The following STX17 variants were observed in gnomAD, a reference collection of about 807,000 sequenced individuals.
STX17 encodes the protein syntaxin 17.
STX17 carries 29 observed loss-of-function variants against 35.9 expected under a neutral mutation model. The ratio of observed to expected loss-of-function variants is 0.81; its 90% confidence interval spans 0.60 to 1.10. The LOEUF (loss-of-function observed/expected upper bound fraction) is 1.10, where lower values mean the gene tolerates loss of function less well. Ranked by LOEUF, STX17 falls within the 50% of genes least tolerant of loss-of-function variation. The probability of loss-of-function intolerance (pLI) is 0.00; values close to 1 mark genes in which losing one functional copy is unlikely to be tolerated. For synonymous variants in STX17, 92 were observed against 118.3 expected (o/e 0.78, Z 1.44); for missense variants, 312 against 352.3 (o/e 0.89, Z 0.92).
chr9:99,947,641 T>C (rs1415601663), intron 3 of STX17, among the ~76,000 whole-genome samples: 2 of 152,218 alleles, frequency 1.3e-5, no homozygotes, highest in Admixed American at 6.5e-5. Context: ...CTTAAGGTTT[T>C]CTGTGAGCTA....
intron 3 of STX17, chr9:99,937,838 A>G (rs1829267862): frequency 6.6e-6 from 1 of 152,120 alleles, no homozygotes. Flanking sequence ...TGTTTTATAC[A>G]TCTTATGTTT....
intron 3 of STX17, among the ~76,000 whole-genome samples, chr9:99,930,581 T>G (rs1420738388): frequency 6.6e-6 from 1 of 152,160 alleles, no homozygotes; most frequent in Non-Finnish European, 1.5e-5. Flanking sequence ...CATTCTTTAT[T>G]TTAAAGATGT....
chr9:99,959,801 C>A (rs1829791169), intron 4 of STX17, 116 bp from the exon 5 acceptor site: 2 of 790,078 alleles, frequency 2.5e-6, no homozygotes, highest in Admixed American at 2.7e-5. Flanking sequence ...TTCCTTTTAG[C>A]CTAAATTTAA....
intron 6 of STX17, 160 bp from the exon 7 acceptor site, chr9:99,967,493 T>G: frequency 2.3e-6 from 1 of 436,336 alleles, no homozygotes; most frequent in South Asian, 4.3e-5. Flanking sequence ...GAAAGTTAAT[T>G]TGTCCTTTCG....
intron 4 of STX17, among the ~76,000 whole-genome samples, chr9:99,957,561 T>G (rs993278382): frequency 2.0e-5 from 3 of 152,158 alleles, no homozygotes; most frequent in African/African-American, 2.4e-5. Flanking sequence ...ATTTCTACTG[T>G]AACTATCCTA....
intron 3 of STX17, among the ~76,000 whole-genome samples, chr9:99,932,443 A>C (rs1333553634): frequency 6.6e-6 from 1 of 152,118 alleles, no homozygotes; most frequent in East Asian, 1.9e-4. Context: ...TAACAAGCAG[A>C]GACTATGTCT....
chr9:99,918,095 C>A (rs1489982205), intron 2 of STX17, among the ~76,000 whole-genome samples: 1 of 152,124 alleles, frequency 6.6e-6, no homozygotes, highest in Non-Finnish European at 1.5e-5. Context: ...CATACCTTTT[C>A]TATGTTCTTT....
At chr9:99,925,104 A>AT (rs1828962141) in intron 2 of STX17, among the ~76,000 whole-genome samples, 1 of 151,270 alleles carries the variant, frequency 6.6e-6, no homozygotes, top group Non-Finnish European at 1.5e-5. Flanking sequence ...TTATGATTCA[A>AT]TTTTTTTCCT....
chr9:99,916,078 G>A (rs1326108624), intron 2 of STX17: 2 of 455,824 alleles, frequency 4.4e-6, no homozygotes, highest in Non-Finnish European at 4.4e-6. Flanking sequence ...GTAAATCATT[G>A]TGAGATATGA....
intron 2 of STX17, among the ~76,000 whole-genome samples, chr9:99,922,424 A>G (rs1485063846): frequency 6.6e-6 from 1 of 152,244 alleles, no homozygotes; most frequent in Admixed American, 6.5e-5. Context: ...TGCCTGTCAC[A>G]TAGTACGTGC....
At chr9:99,947,261 T>C (rs904927218) in intron 3 of STX17, among the ~76,000 whole-genome samples, 5 of 152,166 alleles carry the variant, frequency 3.3e-5, no homozygotes, top group South Asian at 2.1e-4. Context: ...TATTTTAAAA[T>C]TATAGAATAT....
chr9:99,949,416 A>G (rs2031035), intron 3 of STX17, among the ~76,000 whole-genome samples: 104,610 of 151,782 alleles, frequency 0.69, 36,324 homozygotes, highest in African/African-American at 0.72. Context: ...TGGAAACTTT[A>G]GATTGTATTA....
chr9:99,952,604 A>G lies in STX17; in HGVS notation c.415+1319A>G, dbSNP rs555898009. Among the ~76,000 whole-genome samples the G allele has an allele frequency of 1.6e-3, 247 of 152,300 alleles. 1 individual carries two copies. Among genetic ancestry groups the G allele is most frequent in the African/African-American group, 5.1e-3 (214 of 41,566 alleles). ...ACGTATGTTTATTGTGGCAGTATTC[A>G]CAATAGCAAAGACTTGGAACCAACC... On this transcript the variant is annotated intron_variant, in intron 4 of 7. Transcript: ENST00000259400.
At chr9:99,918,824 C>G (rs1313200762) in intron 2 of STX17, among the ~76,000 whole-genome samples, 1 of 152,100 alleles carries the variant, frequency 6.6e-6, no homozygotes, top group Admixed American at 6.6e-5. Flanking sequence ...AAGAGCAGTC[C>G]TCCATCTCCT....
chr9:99,952,229 A>G (rs1306285013), intron 4 of STX17, among the ~76,000 whole-genome samples: 1 of 152,204 alleles, frequency 6.6e-6, no homozygotes, highest in Non-Finnish European at 1.5e-5. Flanking sequence ...GAGCATGAAC[A>G]GACACTTCTC....
rs1361438112 is a variant in STX17 at position 99,928,847 on chromosome 9, A to G, written c.189+4A>G. ...CAATGCAGGACGTACAGTTCAGGTA[A>G]GGCTATTATATTTTTTCTGCTAAAT... On this transcript the variant is annotated splice_donor_region_variant and intron_variant, in intron 3 of 7. Coordinates refer to ENST00000259400, the MANE Select transcript of STX17 (RefSeq NM_017919.3). 6.2e-7 allele frequency: 1 copy of G among 1,612,342 alleles called. No homozygotes were observed. The highest frequency in any genetic ancestry group is 1.1e-5 in the South Asian group (1 of 90,844).
chr9:99,957,518 G>A (rs994771429), intron 4 of STX17, among the ~76,000 whole-genome samples: 10 of 152,104 alleles, frequency 6.6e-5, no homozygotes, highest in Non-Finnish European at 1.2e-4. Context: ...TGAAGTGAAG[G>A]GAAGATAGTA....
At chr9:99,938,345 A>G (rs1171500899) in intron 3 of STX17, among the ~76,000 whole-genome samples, 2 of 152,230 alleles carry the variant, frequency 1.3e-5, no homozygotes, top group Non-Finnish European at 2.9e-5. Context: ...AACTGCAAAT[A>G]TAGTATACTT....
intron 6 of STX17, among the ~76,000 whole-genome samples, chr9:99,964,511 G>A (rs1486795750): frequency 2.6e-5 from 4 of 152,080 alleles, no homozygotes; most frequent in Non-Finnish European, 5.9e-5. Flanking sequence ...ATTGTTAAAG[G>A]AATGCTGAGA....
Sources: allele counts gnomAD v4.1 joint callset (sites outside exome capture counted in the v4.1 genomes callset), GRCh38; gene constraint gnomAD v4.1.1; transcripts MANE v1.5; gene names NCBI Gene and HGNC (gene_info 2026-07-23, HGNC 2026-07-21).